Variants in NASP observed in about 807,000 individuals in gnomAD.
NASP encodes NASP histone chaperone.
A neutral mutation model predicts 89.5 loss-of-function variants in NASP; 24 were observed. The ratio of observed to expected loss-of-function variants is 0.27; its 90% CI spans 0.19 to 0.38. The LOEUF is 0.38. Ranked by LOEUF, NASP falls within the 10% of genes least tolerant of loss-of-function variation. NASP has a pLI of 1.00. For missense variants in NASP, 848 were observed against 921.4 expected, an observed-to-expected ratio of 0.92 and a Z score of 1.03; for synonymous variants, 306 against 324.7, an observed-to-expected ratio of 0.94 and a Z score of 0.62.
At chr1:45,601,564 G>A (rs1272864231) in intron 2 of NASP, among the ~76,000 whole-genome samples, 2 of 151,912 alleles carry the variant, frequency 1.3e-5, no homozygotes, top group Admixed American at 6.6e-5. Flanking sequence ...TCTTAATCTT[G>A]AAATCACTGC....
chr1:45,618,694 A>ACGTTTTCCTT lies in NASP; in HGVS notation c.*553_*554insCGTTTTCCTT, dbSNP rs1357260313. The ACGTTTTCCTT allele has an allele frequency of 1.9e-5, 3 of 153,974 alleles. No homozygotes were observed. The highest frequency in any genetic ancestry group is 7.2e-5 in the African/African-American group (3 of 41,472). 9.5% of individuals were successfully genotyped at this position (153,974 alleles called of 1,614,324 possible). On this transcript the variant is annotated 3_prime_UTR_variant, in exon 15 of 15. Transcript: ENST00000350030. ...GGGTCAGGGGAATGATTCCTAAGGA[A>ACGTTTTCCTT]AACGGTCTGCATTTGAGCTCTGGTT...
intron 2 of NASP, among the ~76,000 whole-genome samples, chr1:45,596,138 A>G (rs189879779): frequency 6.6e-6 from 1 of 152,354 alleles, no homozygotes; most frequent in East Asian, 1.9e-4. Context: ...CACATGAAAA[A>G]TAAAAATTTT....
At chr1:45,606,778 G>T in intron 5 of NASP, 187 bp downstream of exon 5, 1 of 455,982 alleles carries the variant, frequency 2.2e-6, no homozygotes, top group Admixed American at 3.9e-5. Context: ...ATTTTTGAAA[G>T]AGAATAACTT....
At chr1:45,610,044 C>T (rs1367301883) in intron 6 of NASP, 1 of 152,028 alleles carries the variant, frequency 6.6e-6, no homozygotes, top group Admixed American at 6.6e-5. Context: ...ACTAAAAATA[C>T]AAAAATTAGC....
chr1:45,592,374 A>G (rs1442446308), intron 2 of NASP, among the ~76,000 whole-genome samples: 4 of 152,104 alleles, frequency 2.6e-5, no homozygotes, highest in Non-Finnish European at 5.9e-5. Flanking sequence ...TGGCTTCCCT[A>G]AGTGTTGGGA....
intron 2 of NASP, among the ~76,000 whole-genome samples, chr1:45,596,633 T>C (rs1643702976): frequency 6.6e-6 from 1 of 152,218 alleles, no homozygotes; most frequent in Non-Finnish European, 1.5e-5. Context: ...GACTGGTTTT[T>C]AATGTACCAG....
At chr1:45,613,491 A>T (rs565545038) in intron 7 of NASP, among the ~76,000 whole-genome samples, 1 of 152,086 alleles carries the variant, frequency 6.6e-6, no homozygotes, top group African/African-American at 2.4e-5. Context: ...CACGATTATT[A>T]TTTTTTTAAG....
At chr1:45,596,466 C>T (rs1184185751) in intron 2 of NASP, among the ~76,000 whole-genome samples, 1 of 152,100 alleles carries the variant, frequency 6.6e-6, no homozygotes, top group African/African-American at 2.4e-5. Flanking sequence ...AGAATATTTA[C>T]CTTTTTGTGA....
Position 45,604,575 on chromosome 1 carries a change from A to G in NASP, c.219-361A>G, listed in dbSNP as rs78629089. Reference sequence around the variant, plus strand: ...TCTGCGCTTTACATCATGCCTTTCCATGGGCCTTAATCATCCTCTAGGTCC... The same window carrying G: ...TCTGCGCTTTACATCATGCCTTTCCGTGGGCCTTAATCATCCTCTAGGTCC... On this transcript the variant is annotated intron_variant, in intron 3 of 14. Coordinates refer to ENST00000350030, the MANE Select transcript of NASP (RefSeq NM_002482.4). Among the ~76,000 whole-genome samples the G allele has an allele frequency of 3.6e-3, 548 of 152,318 alleles. 7 individuals are homozygous for G. Among genetic ancestry groups the G allele is most frequent in the East Asian group, 0.035 (183 of 5,190 alleles).
intron 1 of NASP, among the ~76,000 whole-genome samples, chr1:45,584,643 C>T (rs1297756857): frequency 1.3e-5 from 2 of 150,698 alleles, no homozygotes; most frequent in East Asian, 2.0e-4. Context: ...GGAAAAAAAA[C>T]CTTGCACGAG....
chr1:45,586,294 T>TGTGTG (rs1644546590), intron 1 of NASP, among the ~76,000 whole-genome samples: 1 of 95,584 alleles, frequency 1.0e-5, no homozygotes, highest in Admixed American at 1.0e-4. Flanking sequence ...GGTGTGTGTG[T>TGTGTG]GTGTGTGTGT....
At chr1:45,609,843 C>A (rs527592568) in intron 6 of NASP, 5 of 152,292 alleles carry the variant, frequency 3.3e-5, no homozygotes, top group African/African-American at 1.2e-4. Flanking sequence ...ATATATTATT[C>A]TTCCCAAGTT....
Position 45,603,211 on chromosome 1 carries a change from G to GA in NASP, c.218+854dup, listed in dbSNP as rs553412372. Among the ~76,000 whole-genome samples, 152 of 151,898 alleles carry GA rather than the reference G, an allele frequency of 1.0e-3. 2 individuals carry two copies. Among genetic ancestry groups the GA allele is most frequent in the African/African-American group, 3.6e-3 (150 of 41,422 alleles). ...TTTAATGTACCTCCATTATCTGAGA[G>GA]AAAAAAAAGCAAGTTAAATCGTCAA... On this transcript the variant is annotated intron_variant, in intron 3 of 14. Transcript: ENST00000350030.
intron 2 of NASP, chr1:45,600,515 C>G: frequency 9.6e-7 from 1 of 1,037,174 alleles, no homozygotes; most frequent in Non-Finnish European, 1.2e-6. Context: ...TTTTGAGATT[C>G]ATCCATGTTA....
At chr1:45,617,422 C>CAT (rs1553173665) in intron 13 of NASP, 41 bp from the exon 14 acceptor site, 1 of 1,591,656 alleles carries the variant, frequency 6.3e-7, no homozygotes, top group Non-Finnish European at 8.5e-7. Context: ...TTTTTAAAAA[C>CAT]ATTAAGCACA....
In NASP at chr1:45,613,197, A is replaced by G. The variant is rs2148369721; in HGVS notation, c.1455A>G (p.Lys485=). 1 of 1,610,978 alleles carries G rather than the reference A, an allele frequency of 6.2e-7. No homozygotes were observed. Among genetic ancestry groups the G allele is most frequent in the South Asian group, 1.1e-5 (1 of 90,658 alleles). Residue 485 remains lysine, a synonymous_variant, in exon 7 of 15, where the codon AAA becomes AAG. Transcript: ENST00000350030. ...EETEGSEEDD[K]ENDKTEEMPN... is the part of the protein sequence containing the mutation. ...CTGAAGGCTCAGAAGAGGATGATAAAGAAAATGATAAGACCGAAGAAATGC... is the reference window on the plus strand; with the variant it reads ...CTGAAGGCTCAGAAGAGGATGATAAGGAAAATGATAAGACCGAAGAAATGC...
At chr1:45,585,302 C>T (rs1295509898) in intron 1 of NASP, among the ~76,000 whole-genome samples, 1 of 151,998 alleles carries the variant, frequency 6.6e-6, no homozygotes, top group Non-Finnish European at 1.5e-5. Flanking sequence ...TAGTTGCCTT[C>T]CCTGTAAAAG....
chr1:45,594,572 G>A (rs780024937), intron 2 of NASP: 18 of 360,084 alleles, frequency 5.0e-5, no homozygotes, highest in Admixed American at 3.0e-4. Flanking sequence ...TGGAGCGATC[G>A]TGGCTCACTG....
intron 5 of NASP, 139 bp from the exon 6 acceptor site, chr1:45,607,182 G>A (rs912615768): frequency 3.6e-6 from 3 of 831,276 alleles, no homozygotes; most frequent in Admixed American, 2.9e-5. Flanking sequence ...TTCTCTAGGG[G>A]GCAGATAATT....
Sources: allele counts gnomAD v4.1 joint callset (sites outside exome capture counted in the v4.1 genomes callset), GRCh38; gene constraint gnomAD v4.1.1; transcripts MANE v1.5; gene names NCBI Gene and HGNC (gene_info 2026-07-23, HGNC 2026-07-21).